PLEKHM1: variants seen among roughly 807,000 people sequenced by gnomAD.
PLEKHM1 encodes pleckstrin homology and RUN domain containing M1.
Under a neutral mutation model 94.3 loss-of-function variants are expected in PLEKHM1, and 28 were observed. The observed-to-expected ratio is 0.30, with a 90% CI of 0.22 to 0.41. PLEKHM1 has a LOEUF of 0.41. PLEKHM1 is among the 10% of genes least tolerant of loss of function. The pLI is 1.00. For synonymous variants in PLEKHM1, 424 were observed against 581.2 expected, an observed-to-expected ratio of 0.73 and a Z score of 3.89; for missense variants, 907 against 1,358.6, an observed-to-expected ratio of 0.67 and a Z score of 5.22.
rs779766374 is a variant in PLEKHM1, at chr17:45,453,488, G to A, written c.2364C>T (p.Thr788=). The A allele has an allele frequency of 6.2e-7, 1 of 1,608,448 alleles. No homozygotes were observed. The highest frequency in any genetic ancestry group is 8.5e-7 in the Non-Finnish European group (1 of 1,177,286). The change falls in exon 7 of 12, where the codon ACC becomes ACT. Residue 788 remains threonine, a synonymous_variant. Coordinates refer to ENST00000430334, the MANE Select transcript of PLEKHM1 (RefSeq NM_014798.3). This position sits in a 1 kb window ranked among gnomAD's most constrained non-coding sequence, Gnocchi z 4.1. ...AGTTTTCATCCAGGCTCCCGCCCAG[G>A]GTCACCGCCTCCTCGGCTGTCTCCA... The part of the protein sequence containing the change: ...SYLETAEEAV[T]LGGSLDENCQ...
At chr17:45,458,648 T>G (rs1000725400) in intron 5 of PLEKHM1, among the ~76,000 whole-genome samples, 2 of 152,036 alleles carry the variant, frequency 1.3e-5, no homozygotes, top group African/African-American at 2.4e-5. Context: ...TTTTTGTATT[T>G]TTAGTAGAGG....
At position 45,482,518 on chromosome 17, in the gene PLEKHM1, C is replaced by T. The variant is rs1187871082; in HGVS notation, c.-34G>A. On this transcript the variant is annotated 5_prime_UTR_variant, in exon 2 of 12. The change creates a new upstream start codon in the 5' untranslated region. Transcript: ENST00000430334. ...ACGCAGCTGCTCCCTCAGAGAATCA[C>T]ATGACACCTGAAGAGACAGATGGCA... 8 of 957,270 alleles carry T rather than the reference C, an allele frequency of 8.4e-6. No homozygotes were observed. The highest frequency in any genetic ancestry group is 1.3e-5 in the Non-Finnish European group (8 of 595,496). The allele number at this position is 957,270 out of a possible 1,614,324, so 59.3% of individuals were successfully genotyped here.
intron 4 of PLEKHM1, among the ~76,000 whole-genome samples, chr17:45,474,114 T>C (rs774959789): frequency 3.3e-4 from 50 of 151,650 alleles, no homozygotes; most frequent in Non-Finnish European, 1.6e-4. Flanking sequence ...TGGAGTGCAG[T>C]GGTGCGGTCT....
intron 2 of PLEKHM1, among the ~76,000 whole-genome samples, chr17:45,478,822 C>T (rs1013634109): frequency 4.6e-5 from 7 of 151,700 alleles, no homozygotes; most frequent in Non-Finnish European, 1.0e-4. Context: ...CATAGCAAGA[C>T]CTTGTCTCAA....
At chr17:45,446,715 A>G (rs546326464) in intron 8 of PLEKHM1, among the ~76,000 whole-genome samples, 116 of 152,336 alleles carry the variant, frequency 7.6e-4, no homozygotes, top group African/African-American at 2.7e-3. Context: ...TTGCTGATAT[A>G]TAGAAATGAA....
rs748935562 is a variant in PLEKHM1 at position 45,453,380 on chromosome 17, A to C, written c.2472T>G (p.Leu824=). ...YLVAIPMEKG[L]DSQGCFCAGC... ...CTGCGCAGAAGCAGCCTTGGGAGTC[A>C]AGGCCTTTCTCCATGGGGATAGCCA... Residue 824 remains leucine (L), a synonymous_variant, in exon 7 of 12, where the codon CTT becomes CTG. Coordinates refer to ENST00000430334, the MANE Select transcript of PLEKHM1 (RefSeq NM_014798.3). The surrounding 1 kb of genome is among the most constrained non-coding windows in gnomAD (Gnocchi z 4.1). 2.5e-6 allele frequency: 4 copies of C among 1,613,796 alleles called. No homozygotes were observed.
intron 9 of PLEKHM1, among the ~76,000 whole-genome samples, chr17:45,442,665 A>G (rs1396333886): frequency 6.6e-6 from 1 of 152,198 alleles, no homozygotes; most frequent in Admixed American, 6.5e-5. Context: ...TTGGCCTCCC[A>G]AAGTGCTGGG....
At chr17:45,468,920 G>A (rs1203072297) in intron 4 of PLEKHM1, among the ~76,000 whole-genome samples, 1 of 152,026 alleles carries the variant, frequency 6.6e-6, no homozygotes, top group Non-Finnish European at 1.5e-5. Context: ...GGCCTGGAGA[G>A]CTTGCTCAGC....
chr17:45,453,365 G>A lies in PLEKHM1; in HGVS notation c.2487C>T (p.Cys829=). Residue 829 remains cysteine (C), a synonymous_variant, in exon 7 of 12, where the codon TGC becomes TGT. Coordinates refer to ENST00000430334, the MANE Select transcript of PLEKHM1 (RefSeq NM_014798.3). This position sits in a 1 kb window ranked among gnomAD's most constrained non-coding sequence, Gnocchi z 4.1. Reference sequence around the variant, plus strand: ...AGAGCAAATCGGCACCTGCGCAGAAGCAGCCTTGGGAGTCAAGGCCTTTCT... The same window carrying A: ...AGAGCAAATCGGCACCTGCGCAGAAACAGCCTTGGGAGTCAAGGCCTTTCT... The part of the protein sequence containing the change: ...PMEKGLDSQG[C]FCAGCSRQIG... 2 of 1,613,444 alleles carry A rather than the reference G, an allele frequency of 1.2e-6. No homozygotes were observed. The highest frequency in any genetic ancestry group is 1.7e-6 in the Non-Finnish European group (2 of 1,179,604).
intron 1 of PLEKHM1, among the ~76,000 whole-genome samples, chr17:45,485,072 C>T (rs1241366225): frequency 1.3e-5 from 2 of 151,638 alleles, no homozygotes; most frequent in Admixed American, 1.3e-4. Context: ...GAAGAGCCCT[C>T]AGTCCTGACT....
rs2051783163 is a variant in PLEKHM1, at chr17:45,477,383, G to A, written c.296+517C>T. ...TGGGAAGCAGAGGTGCCAGTGAACC[G>A]AGATCGCGCCATTGCACTCCAGCCT... On this transcript the variant is annotated intron_variant, in intron 3 of 11. Transcript: ENST00000430334. The A allele has an allele frequency of 3.2e-5, 6 of 187,620 alleles. No homozygotes were observed. The South Asian group carries it at 5.1e-4, about 16-fold the overall frequency. 11.6% of individuals were successfully genotyped at this position (187,620 alleles called of 1,614,324 possible).
chr17:45,487,091 C>T (rs994027017), intron 1 of PLEKHM1, among the ~76,000 whole-genome samples: 2 of 152,186 alleles, frequency 1.3e-5, no homozygotes, highest in Non-Finnish European at 2.9e-5. Flanking sequence ...TACCAAAGGG[C>T]TCTTGAACAT....
chr17:45,454,574 C>A, intron 6 of PLEKHM1: 6 of 566,292 alleles, frequency 1.1e-5, no homozygotes, highest in Non-Finnish European at 1.6e-5. Flanking sequence ...CAGGGATGAA[C>A]CAAGTGTGCT....
At position 45,437,893 on chromosome 17, in the gene PLEKHM1, G is replaced by A. The variant is rs375483018; in HGVS notation, c.3136C>T (p.Arg1046Trp). Reference protein sequence around the residue: ...VKKGCPRCARRRKYQEQNIFA With the variant: ...VKKGCPRCARWRKYQEQNIFA ...ATGTTCTGTTCCTGGTACTTGCGCCGGCGGGCACAGCGGGGGCAGCCCTTC... is the reference window on the plus strand; with the variant it reads ...ATGTTCTGTTCCTGGTACTTGCGCCAGCGGGCACAGCGGGGGCAGCCCTTC... The change falls in exon 12 of 12, where the codon CGG becomes TGG. Residue 1046 changes from arginine to tryptophan, a missense_variant. Transcript: ENST00000430334. This position sits in a 1 kb window ranked among gnomAD's most constrained non-coding sequence, Gnocchi z 4.0. The A allele has an allele frequency of 1.2e-5, 19 of 1,613,856 alleles. No individual in the cohort carries two copies. The highest frequency in any genetic ancestry group is 2.2e-5 in the South Asian group (2 of 91,088).
At chr17:45,448,467 G>T (rs1489870649) in intron 8 of PLEKHM1, among the ~76,000 whole-genome samples, 2 of 152,252 alleles carry the variant, frequency 1.3e-5, no homozygotes, top group African/African-American at 4.8e-5. Flanking sequence ...GCTCTCCAGA[G>T]GAGCAAACAG....
chr17:45,468,435 G>A lies in PLEKHM1; in HGVS notation c.1082C>T (p.Ala361Val), dbSNP rs777658964. ...HCEAPAEPLP[A>V]QAASGTQDGV... ...ATCTTGAGTTCCAGAGGCTGCCTGG[G>A]CAGGAAGGGGCTCTGCAGGTGCCTC... Residue 361 changes from alanine to valine, a missense_variant, in exon 5 of 12, where the codon GCC (alanine) becomes GTC (valine). Physicochemically the swap from Ala to Val is moderately conservative, Grantham distance 64. Coordinates refer to ENST00000430334, the MANE Select transcript of PLEKHM1 (RefSeq NM_014798.3). 1.2e-6 allele frequency: 2 copies of A among 1,614,116 alleles called. No individual in the cohort carries two copies. The highest frequency in any genetic ancestry group is 1.7e-6 in the Non-Finnish European group (2 of 1,180,054).
intron 5 of PLEKHM1, among the ~76,000 whole-genome samples, chr17:45,460,900 G>C (rs2051132018): frequency 6.6e-6 from 1 of 151,788 alleles, no homozygotes; most frequent in African/African-American, 2.4e-5. Context: ...TGTTATTGTT[G>C]TTGAGACAGA....
At chr17:45,465,083 G>A (rs959176242) in intron 5 of PLEKHM1, among the ~76,000 whole-genome samples, 1 of 151,834 alleles carries the variant, frequency 6.6e-6, no homozygotes, top group Non-Finnish European at 1.5e-5. Flanking sequence ...TTAGGAATTG[G>A]CATCTCAAGA....
chr17:45,440,656 C>A (rs1239385713), intron 9 of PLEKHM1, among the ~76,000 whole-genome samples: 2 of 152,208 alleles, frequency 1.3e-5, no homozygotes, highest in Admixed American at 6.5e-5. Context: ...CTGGTACTAT[C>A]ACAATCCCAA....
Sources: gnomAD v4.1 joint callset for allele counts (sites outside exome capture counted in the v4.1 genomes callset) on GRCh38, gnomAD v4.1.1 for gene constraint, Gnocchi (gnomAD v3.1) non-coding constraint, MANE v1.5 for transcripts, NCBI Gene and HGNC (gene_info 2026-07-23, HGNC 2026-07-21) for gene names.